The following GTF3C1 variants were observed in gnomAD, a reference collection of about 807,000 sequenced individuals.
GTF3C1 encodes the protein general transcription factor 3C polypeptide 1.
Under a neutral mutation model 226.7 loss-of-function variants are expected in GTF3C1, and 57 were observed. The ratio of observed to expected loss-of-function variants is 0.25; its 90% confidence interval spans 0.20 to 0.31. GTF3C1 has a LOEUF of 0.31. GTF3C1 is among the 10% of genes least tolerant of loss of function. The pLI is 1.00. For synonymous variants in GTF3C1, 1,090 were observed against 1,084.8 expected (o/e 1.00, Z -0.09); for missense variants, 2,217 against 2,776.1 (o/e 0.80, Z 4.53).
intron 6 of GTF3C1, among the ~76,000 whole-genome samples, chr16:27,522,651 T>C (rs924552912): frequency 1.3e-5 from 2 of 152,242 alleles, no homozygotes; most frequent in Non-Finnish European, 2.9e-5. Context: ...TCAGTCAGGA[T>C]TCTCACACGG....
chr16:27,495,589 G>A, intron 14 of GTF3C1, 97 bp from the exon 15 acceptor site: 1 of 1,139,080 alleles, frequency 8.8e-7, no homozygotes, highest in East Asian at 2.6e-5. Context: ...ATGTGCCAGG[G>A]GCCAGAAAGA....
chr16:27,471,991 G>T lies in GTF3C1; in HGVS notation c.4354-71C>A. 7.3e-7 allele frequency: 1 copy of T among 1,372,444 alleles called. No homozygotes were observed. The highest frequency in any genetic ancestry group is 1.2e-5 in the South Asian group (1 of 83,802). The allele number at this position is 1,372,444 out of a possible 1,614,324, so 85.0% of individuals were successfully genotyped here. A position where few individuals can be genotyped will look rare whatever the true frequency, so the allele number is the denominator to read the frequency against. Reference sequence around the variant, plus strand: ...ACGGAGAGGGCTGGGGTATGTGGAGGCAGAGGCTGCGGCTGATGCTTTATA... The same window carrying T: ...ACGGAGAGGGCTGGGGTATGTGGAGTCAGAGGCTGCGGCTGATGCTTTATA... On this transcript the variant is annotated intron_variant, in intron 29 of 36. Transcript: ENST00000356183. The surrounding 1 kb of genome is among the most constrained non-coding windows in gnomAD (Gnocchi z 5.0).
At chr16:27,527,637 G>A (rs1388166986) in intron 6 of GTF3C1, among the ~76,000 whole-genome samples, 2 of 152,130 alleles carry the variant, frequency 1.3e-5, no homozygotes, top group East Asian at 3.8e-4. Context: ...TGGTGACAAT[G>A]CCACCAACCT....
chr16:27,478,629 T>C, intron 27 of GTF3C1, 98 bp from the exon 28 acceptor site: 2 of 835,558 alleles, frequency 2.4e-6, no homozygotes, highest in Non-Finnish European at 2.1e-6. Flanking sequence ...GCTAAAGTGT[T>C]GGGAGTGGGA....
intron 15 of GTF3C1, 62 bp from the exon 16 acceptor site, chr16:27,494,970 G>A: frequency 1.4e-6 from 2 of 1,442,228 alleles, no homozygotes; most frequent in Non-Finnish European, 1.9e-6. Context: ...GGTGACACAT[G>A]GTAACGTCAT....
intron 6 of GTF3C1, among the ~76,000 whole-genome samples, chr16:27,512,289 C>T (rs557719962): frequency 2.0e-5 from 3 of 152,068 alleles, no homozygotes; most frequent in African/African-American, 7.2e-5. Context: ...TCAGGAGGCA[C>T]GCGAGCAGTA....
chr16:27,549,567 T>C (rs1246865614), intron 1 of GTF3C1, 103 bp downstream of exon 1: 1 of 709,138 alleles, frequency 1.4e-6, no homozygotes, highest in Admixed American at 2.8e-5. Flanking sequence ...AGGCCTCCGG[T>C]ACTTGCACAG....
At chr16:27,512,250 C>T (rs1211388903) in intron 6 of GTF3C1, among the ~76,000 whole-genome samples, 1 of 152,166 alleles carries the variant, frequency 6.6e-6, no homozygotes, top group African/African-American at 2.4e-5. Flanking sequence ...TTCCTGTTCC[C>T]TTCCCAGCAC....
rs769637675 is a variant in GTF3C1 at position 27,469,502 on chromosome 16, G to A, written c.4863C>T (p.Asp1621=). 4 of 1,613,884 alleles carry A rather than the reference G, an allele frequency of 2.5e-6. No individual in the cohort carries two copies. In the East Asian group the frequency reaches 8.9e-5, roughly 36 times the overall value. Residue 1621 remains aspartate (D), a synonymous_variant, in exon 32 of 37, where the codon GAC becomes GAT. Coordinates refer to ENST00000356183, the MANE Select transcript of GTF3C1 (RefSeq NM_001520.4). This position sits in a 1 kb window ranked among gnomAD's most constrained non-coding sequence, Gnocchi z 4.5. ...SLEDDEDEED[D]LDEGVGGKRR... is the part of the protein sequence containing the mutation. The stretch of plus-strand genomic sequence containing the variant: ...GCTTGCCCCCTACACCTTCGTCCAA[G>A]TCATCCTCTTCATCCTCGTCATCCT...
At chr16:27,545,183 G>T in intron 2 of GTF3C1, 131 bp downstream of exon 2, 2 of 708,142 alleles carry the variant, frequency 2.8e-6, no homozygotes, top group Non-Finnish European at 2.5e-6. Flanking sequence ...TGCCATGTTG[G>T]CCAGGCTGGT....
chr16:27,486,186 C>A (rs1374959096), intron 23 of GTF3C1, 32 bp from the exon 24 acceptor site: 1 of 1,422,638 alleles, frequency 7.0e-7, no homozygotes, highest in African/African-American at 1.4e-5. Flanking sequence ...GGCAGGAGAC[C>A]TCTAACACCT....
chr16:27,522,857 T>C (rs945791739), intron 6 of GTF3C1, among the ~76,000 whole-genome samples: 2 of 152,264 alleles, frequency 1.3e-5, no homozygotes, highest in East Asian at 1.9e-4. Flanking sequence ...AAAATTGTTT[T>C]CTTAATTTCA....
At chr16:27,536,633 T>C (rs1449161131) in intron 4 of GTF3C1, among the ~76,000 whole-genome samples, 1 of 152,218 alleles carries the variant, frequency 6.6e-6, no homozygotes, top group Non-Finnish European at 1.5e-5. Flanking sequence ...GCCCAACCCA[T>C]GTGCACTGTA....
Position 27,461,716 on chromosome 16 carries a change from C to G in GTF3C1, c.6118-154G>C. The G allele has an allele frequency of 1.6e-6, 1 of 631,580 alleles. No homozygotes were observed. Among genetic ancestry groups the G allele is most frequent in the South Asian group, 1.8e-5 (1 of 54,476 alleles). 39.1% of individuals were successfully genotyped at this position (631,580 alleles called of 1,614,324 possible). On this transcript the variant is annotated intron_variant, in intron 36 of 36. Coordinates refer to ENST00000356183, the MANE Select transcript of GTF3C1 (RefSeq NM_001520.4). The surrounding 1 kb of genome is among the most constrained non-coding windows in gnomAD (Gnocchi z 5.3). ...TGGGCATGAGGCAGATGGGGATGTA[C>G]CAGGAGGGTTCAGGCAAAGGCCCTG...
intron 29 of GTF3C1, among the ~76,000 whole-genome samples, chr16:27,472,636 T>C (rs1319906060): frequency 6.6e-6 from 1 of 152,156 alleles, no homozygotes; most frequent in Non-Finnish European, 1.5e-5. Flanking sequence ...CACCCCTCGC[T>C]CACTGCCCTC....
At chr16:27,505,787 C>T in intron 10 of GTF3C1, 112 bp downstream of exon 10, 1 of 706,394 alleles carries the variant, frequency 1.4e-6, no homozygotes, top group Non-Finnish European at 2.5e-6. Context: ...CCTCGGCACG[C>T]AGCACTCTCG....
At chr16:27,512,515 A>G (rs1238664755) in intron 6 of GTF3C1, among the ~76,000 whole-genome samples, 2 of 152,214 alleles carry the variant, frequency 1.3e-5, no homozygotes, top group Non-Finnish European at 2.9e-5. Flanking sequence ...TCTTTATAGC[A>G]TCAGAGCGAT....
chr16:27,463,553 G>A lies in GTF3C1; in HGVS notation c.5912C>T (p.Ala1971Val). 6.3e-7 allele frequency: 1 copy of A among 1,598,056 alleles called. No homozygotes were observed. Among genetic ancestry groups the A allele is most frequent in the Non-Finnish European group, 8.6e-7 (1 of 1,165,356 alleles). ...ACCCCACACCCACCTTTCCCGTGCT[G>A]CCTGGGAGATGTTGGCAGCTCCGAA... is the stretch of plus-strand genomic sequence containing the variant. The part of the protein sequence containing the change: ...ESFGAANISQ[A>V]ARERDCESVC... Residue 1971 changes from alanine to valine, a missense_variant, in exon 35 of 37, where the codon GCA (alanine) becomes GTA (valine). By Grantham distance (64) the Ala-to-Val change is moderately conservative (BLOSUM62 0). Around this residue, in one of 12 missense-constraint regions of GTF3C1, gnomAD observed 153 missense variants for 199.8 expected, o/e 0.77. Transcript: ENST00000356183. This position sits in a 1 kb window ranked among gnomAD's most constrained non-coding sequence, Gnocchi z 4.9.
At chr16:27,523,712 T>C (rs1049252744) in intron 6 of GTF3C1, among the ~76,000 whole-genome samples, 2 of 152,208 alleles carry the variant, frequency 1.3e-5, no homozygotes, top group Non-Finnish European at 2.9e-5. Flanking sequence ...GTCACCACCC[T>C]GAAGGAAGTC....
Sources: gnomAD v4.1 joint callset for allele counts (sites outside exome capture counted in the v4.1 genomes callset) on GRCh38, gnomAD v4.1.1 for gene constraint, gnomAD v4.1.1 regional missense constraint, Gnocchi (gnomAD v3.1) non-coding constraint, MANE v1.5 for transcripts, NCBI Gene and HGNC (gene_info 2026-07-23, HGNC 2026-07-21) for gene names.